GPHN: variants seen among roughly 807,000 people sequenced by gnomAD.
The protein encoded by GPHN is gephyrin.
In GPHN, 17 loss-of-function variants were observed where a neutral mutation model predicts 95.5. That is an observed-to-expected ratio of 0.18 (90% CI 0.12 to 0.27). GPHN has a LOEUF of 0.27. Ranked by LOEUF, GPHN falls within the 10% of genes least tolerant of loss-of-function variation. GPHN has a pLI of 1.00. For missense variants in GPHN, 660 were observed against 978.1 expected, an observed-to-expected ratio of 0.67 and a Z score of 4.34; for synonymous variants, 320 against 322.5, an observed-to-expected ratio of 0.99 and a Z score of 0.08.
chr14:66,607,269 A>G (rs536059506), intron 1 of GPHN, among the ~76,000 whole-genome samples: 297 of 152,212 alleles, frequency 2.0e-3, no homozygotes, highest in African/African-American at 6.6e-3. Flanking sequence ...GTGGTGAATC[A>G]CATTTATTGA....
At chr14:67,625,429 A>G in the GPHN span, among the ~76,000 whole-genome samples, 14 of 152,218 alleles carry the variant, frequency 9.2e-5, no homozygotes, top group African/African-American at 3.4e-4. Flanking sequence ...CTGTAATCCC[A>G]GCACTTTGGG....
the GPHN span, among the ~76,000 whole-genome samples, chr14:67,706,643 T>A: frequency 6.6e-6 from 1 of 152,200 alleles, no homozygotes. Flanking sequence ...TTTATCTTAG[T>A]GAGCAGAGGG....
intron 8 of GPHN, among the ~76,000 whole-genome samples, chr14:66,960,013 G>C (rs1244365612): frequency 6.6e-6 from 1 of 151,750 alleles, no homozygotes; most frequent in Non-Finnish European, 1.5e-5. Flanking sequence ...CACATCTGCT[G>C]TTGAGTCCCA....
chr14:67,352,151 C>A, the GPHN span, among the ~76,000 whole-genome samples: 2 of 151,808 alleles, frequency 1.3e-5, no homozygotes, highest in South Asian at 4.2e-4. Flanking sequence ...ATAAAAACAG[C>A]ACTCATAGAA....
intron 4 of GPHN, among the ~76,000 whole-genome samples, chr14:66,878,882 G>T (rs139030679): frequency 1.3e-5 from 2 of 151,910 alleles, no homozygotes; most frequent in Non-Finnish European, 1.5e-5. Flanking sequence ...ATTATATATC[G>T]TCCTATTCTA....
intron 8 of GPHN, among the ~76,000 whole-genome samples, chr14:66,962,094 C>G (rs565119490): frequency 6.7e-6 from 1 of 150,272 alleles, no homozygotes; most frequent in African/African-American, 2.4e-5. Context: ...TTCCTTACCT[C>G]CAGTTTTTTT....
At chr14:67,263,339 A>T in the GPHN span, among the ~76,000 whole-genome samples, 2 of 152,184 alleles carry the variant, frequency 1.3e-5, no homozygotes, top group Non-Finnish European at 2.9e-5. Flanking sequence ...TGAAGTATGC[A>T]GTCCCCTTGT....
chr14:67,183,429 C>A (rs1454015939), downstream of GPHN, among the ~76,000 whole-genome samples: 2 of 152,094 alleles, frequency 1.3e-5, no homozygotes, highest in Non-Finnish European at 2.9e-5. Flanking sequence ...CATTGTTTTT[C>A]CTGTATTATA....
intron 2 of GPHN, among the ~76,000 whole-genome samples, chr14:66,725,317 T>C (rs563242397): frequency 4.1e-4 from 62 of 152,358 alleles, no homozygotes; most frequent in Admixed American, 7.8e-4. Context: ...GTGTATGTAA[T>C]TGCTTTCTTC....
chr14:67,089,902 CTGT>C (rs1383404352), intron 12 of GPHN, among the ~76,000 whole-genome samples: 1 of 152,082 alleles, frequency 6.6e-6, no homozygotes, highest in African/African-American at 2.4e-5. Context: ...TGCTTAGAAA[CTGT>C]TGTTGATTTT....
chr14:67,391,571 A>T, the GPHN span, among the ~76,000 whole-genome samples: 7 of 152,326 alleles, frequency 4.6e-5, no homozygotes, highest in Middle Eastern at 3.4e-3. Flanking sequence ...ACATGCTCCG[A>T]GTAACGATGG....
the GPHN span, among the ~76,000 whole-genome samples, chr14:67,511,029 TC>T: frequency 1.1e-4 from 16 of 152,164 alleles, no homozygotes; most frequent in Non-Finnish European, 1.8e-4. Flanking sequence ...TTGGCTGGCA[TC>T]CCTAGCTCCT....
chr14:66,672,655 A>C (rs2066363366), intron 1 of GPHN, among the ~76,000 whole-genome samples: 1 of 152,222 alleles, frequency 6.6e-6, no homozygotes, highest in South Asian at 2.1e-4. Flanking sequence ...ATCATAATAT[A>C]TTGCCCCTCT....
At chr14:67,581,295 CA>C in the GPHN span, among the ~76,000 whole-genome samples, 6 of 151,862 alleles carry the variant, frequency 4.0e-5, no homozygotes, top group Admixed American at 3.9e-4. Flanking sequence ...CACACACACA[CA>C]CACAAACATC....
chr14:66,584,192 G>C (rs2061327155), intron 1 of GPHN, among the ~76,000 whole-genome samples: 1 of 151,944 alleles, frequency 6.6e-6, no homozygotes. Context: ...CTGTTTGTCT[G>C]TTATTGGTGT....
In GPHN at chr14:67,111,858, T is replaced by C. The variant is rs938401012; in HGVS notation, c.1414-3T>C. 3 of 1,611,086 alleles carry C rather than the reference T, an allele frequency of 1.9e-6. No homozygotes were observed. Among genetic ancestry groups the C allele is most frequent in the Non-Finnish European group, 2.5e-6 (3 of 1,177,246 alleles). ...GAAATTACATGACCGGCTGTTATTA[T>C]AGGGCACTGAAGAACTTGAAGTGCG... On this transcript the variant is annotated splice_region_variant and splice_polypyrimidine_tract_variant and intron_variant, in intron 14 of 22. Coordinates refer to ENST00000478722, the MANE Select transcript of GPHN (RefSeq NM_020806.5).
chr14:66,565,018 T>C (rs185772484), intron 1 of GPHN, among the ~76,000 whole-genome samples: 1 of 152,134 alleles, frequency 6.6e-6, no homozygotes, highest in Non-Finnish European at 1.5e-5. Flanking sequence ...TTTTCTCTCT[T>C]AGCTTCAGTG....
At chr14:66,510,780 A>G (rs548950974) in intron 1 of GPHN, among the ~76,000 whole-genome samples, 7 of 152,258 alleles carry the variant, frequency 4.6e-5, no homozygotes, top group East Asian at 3.9e-4. Flanking sequence ...TAAAAATGCA[A>G]TGTAAAGGCC....
the GPHN span, among the ~76,000 whole-genome samples, chr14:67,286,780 C>T: frequency 3.4e-5 from 5 of 145,796 alleles, no homozygotes; most frequent in East Asian, 2.1e-4. Context: ...TCGCTGGAAC[C>T]TGAGAAGTTG....
Sources: gnomAD v4.1 joint callset for allele counts (sites outside exome capture counted in the v4.1 genomes callset) on GRCh38, gnomAD v4.1.1 for gene constraint, MANE v1.5 for transcripts, NCBI Gene and HGNC (gene_info 2026-07-23, HGNC 2026-07-21) for gene names.